The following ZNF148 variants were observed in gnomAD, a reference collection of about 807,000 sequenced individuals.
The protein encoded by ZNF148 is Beta-Enolase Repressor Factor-1.
Under a neutral mutation model 67.7 loss-of-function variants are expected in ZNF148, and 7 were observed. The ratio of observed to expected loss-of-function variants is 0.10; its 90% CI spans 0.06 to 0.19. The LOEUF is 0.19. Ranked by LOEUF, ZNF148 falls within the 10% of genes least tolerant of loss-of-function variation. The probability of loss-of-function intolerance (pLI) is 1.00; values close to 1 mark genes in which losing one functional copy is unlikely to be tolerated. For synonymous variants in ZNF148, 333 were observed against 330.7 expected (o/e 1.01, Z -0.08); for missense variants, 583 against 947.1 (o/e 0.62, Z 5.05).
At position 125,369,154 on chromosome 3, in the gene ZNF148, T is replaced by C. The variant is rs539853268; in HGVS notation, c.-234+5948A>G. 6.2e-5 allele frequency among the ~76,000 whole-genome samples: 9 copies of C among 146,254 alleles called. No individual in the cohort carries two copies. The South Asian group carries it at 1.7e-3, about 28-fold the overall frequency. On this transcript the variant is annotated intron_variant, in intron 1 of 8. Transcript: ENST00000360647. The stretch of plus-strand genomic sequence containing the variant: ...GTGTGTGCCTCTAGTCCCAGCTACT[T>C]GGTAGGCTGAGGCACGAGAATCAGT...
intron 2 of ZNF148, among the ~76,000 whole-genome samples, chr3:125,327,114 T>G (rs914279976): frequency 1.5e-4 from 23 of 152,112 alleles, no homozygotes; most frequent in African/African-American, 5.5e-4. Context: ...AATGGCTATA[T>G]TAACATCAGA....
At chr3:125,367,850 C>T (rs1009843738) in intron 1 of ZNF148, among the ~76,000 whole-genome samples, 5 of 152,168 alleles carry the variant, frequency 3.3e-5, no homozygotes, top group Non-Finnish European at 5.9e-5. Flanking sequence ...TTACACTATA[C>T]GAAGACGGAA....
At chr3:125,363,001 A>G (rs1942591563) in intron 1 of ZNF148, among the ~76,000 whole-genome samples, 1 of 152,124 alleles carries the variant, frequency 6.6e-6, no homozygotes, top group South Asian at 2.1e-4. Flanking sequence ...TATTTTCCCA[A>G]GGTCTGACCT....
intron 4 of ZNF148, among the ~76,000 whole-genome samples, chr3:125,313,037 T>C (rs1342313909): frequency 1.3e-5 from 2 of 152,168 alleles, no homozygotes; most frequent in Non-Finnish European, 2.9e-5. Context: ...AGAAGTTAGA[T>C]AAAATATCTT....
chr3:125,277,578 T>G (rs1938142099), intron 7 of ZNF148, 148 bp downstream of exon 7: 3 of 626,854 alleles, frequency 4.8e-6, no homozygotes, highest in African/African-American at 3.9e-5. Context: ...CAGTTAACAT[T>G]GATTTATTGA....
intron 7 of ZNF148, among the ~76,000 whole-genome samples, chr3:125,241,316 T>TC (rs1491006827): frequency 6.6e-6 from 1 of 150,748 alleles, no homozygotes; most frequent in Non-Finnish European, 1.5e-5. Flanking sequence ...TTTCTTTCTT[T>TC]CTTTTTTTTT....
Position 125,282,146 on chromosome 3 carries a change from C to T in ZNF148, c.460-2899G>A, listed in dbSNP as rs532334920. Among the ~76,000 whole-genome samples, 25 of 152,210 alleles carry T rather than the reference C, an allele frequency of 1.6e-4. No homozygotes were observed. The South Asian group carries it at 5.0e-3, about 30-fold the overall frequency. On this transcript the variant is annotated intron_variant, in intron 5 of 8. Transcript: ENST00000360647. ...TCAGATAACTGAGTAGTGAGAGAAG[C>T]GGGTAGGCAAAGAATAAAATCCCTT...
chr3:125,361,608 G>A (rs1194055548), intron 1 of ZNF148, among the ~76,000 whole-genome samples: 1 of 152,048 alleles, frequency 6.6e-6, no homozygotes, highest in African/African-American at 2.4e-5. Flanking sequence ...AAAGCAGGTG[G>A]ATCACTTGAG....
intron 7 of ZNF148, among the ~76,000 whole-genome samples, chr3:125,257,044 C>T (rs1232173365): frequency 1.4e-5 from 2 of 141,022 alleles, no homozygotes; most frequent in Non-Finnish European, 3.0e-5. Context: ...ATTTTCCATA[C>T]CTTTTCCACT....
intron 3 of ZNF148, among the ~76,000 whole-genome samples, chr3:125,315,592 C>T (rs1559750385): frequency 6.6e-6 from 1 of 151,332 alleles, no homozygotes; most frequent in African/African-American, 2.4e-5. Flanking sequence ...GCCTGTAGTC[C>T]CAGCTACTCA....
intron 1 of ZNF148, among the ~76,000 whole-genome samples, chr3:125,355,574 C>G (rs1942312125): frequency 6.6e-6 from 1 of 152,002 alleles, no homozygotes; most frequent in Non-Finnish European, 1.5e-5. Flanking sequence ...TAAGAAAAGA[C>G]AGGAATGTTT....
At chr3:125,289,958 T>C (rs1339962295) in intron 4 of ZNF148, among the ~76,000 whole-genome samples, 6 of 152,176 alleles carry the variant, frequency 3.9e-5, no homozygotes, top group East Asian at 1.9e-4. Flanking sequence ...GATTTTCACC[T>C]AGTCCCATTA....
intron 5 of ZNF148, among the ~76,000 whole-genome samples, chr3:125,283,141 G>C (rs1057161539): frequency 1.3e-5 from 2 of 152,072 alleles, no homozygotes; most frequent in Non-Finnish European, 2.9e-5. Flanking sequence ...AATGAGAAAT[G>C]GAAAATAGTG....
At chr3:125,371,658 CAAAAAAA>C (rs34843090) in intron 1 of ZNF148, among the ~76,000 whole-genome samples, 1 of 51,198 alleles carries the variant, frequency 2.0e-5, no homozygotes, top group Non-Finnish European at 4.0e-5. Context: ...GACTCCGTCC[CAAAAAAA>C]AAAAAAAAAA....
Position 125,331,845 on chromosome 3 carries a change from T to C in ZNF148, c.-233-607A>G, listed in dbSNP as rs371733095. On this transcript the variant is annotated intron_variant, in intron 1 of 8. Transcript: ENST00000360647. ...ATTAACATTCCACATTGGTACTGCA[T>C]TGATGCCGACCACAGATCACTTTAT... Among the ~76,000 whole-genome samples the C allele has an allele frequency of 2.7e-3, 415 of 152,326 alleles. 5 individuals are homozygous for C. The South Asian group carries it at 0.034, about 12-fold the overall frequency.
chr3:125,247,502 C>T (rs1216266983), intron 7 of ZNF148, among the ~76,000 whole-genome samples: 1 of 151,944 alleles, frequency 6.6e-6, no homozygotes, highest in Admixed American at 6.6e-5. Flanking sequence ...AGTGGCGCAA[C>T]CTCAGCTCAC....
At chr3:125,241,183 T>TA (rs571707942) in intron 7 of ZNF148, among the ~76,000 whole-genome samples, 37 of 151,562 alleles carry the variant, frequency 2.4e-4, no homozygotes, top group Non-Finnish European at 4.0e-4. Flanking sequence ...TTTACAGAGT[T>TA]AAAAAAAAAT....
intron 5 of ZNF148, among the ~76,000 whole-genome samples, chr3:125,282,616 T>A (rs1386604258): frequency 6.6e-6 from 1 of 152,116 alleles, no homozygotes; most frequent in South Asian, 2.1e-4. Context: ...TAGAAAAAAA[T>A]TGAGTATCAA....
At chr3:125,276,313 G>A (rs1938060530) in intron 7 of ZNF148, among the ~76,000 whole-genome samples, 1 of 152,012 alleles carries the variant, frequency 6.6e-6, no homozygotes, top group Admixed American at 6.5e-5. Flanking sequence ...AAAAAGAGAT[G>A]AATACGTTTA....
Sources: allele counts gnomAD v4.1 joint callset (sites outside exome capture counted in the v4.1 genomes callset), GRCh38; gene constraint gnomAD v4.1.1; transcripts MANE v1.5; gene names NCBI Gene and HGNC (gene_info 2026-07-23, HGNC 2026-07-21).